The following PARP14 variants were observed in gnomAD, a reference collection of about 807,000 sequenced individuals.
PARP14 encodes protein mono-ADP-ribosyltransferase PARP14.
Under a neutral mutation model 154.2 loss-of-function variants are expected in PARP14, and 59 were observed. The ratio of observed to expected loss-of-function variants is 0.38; its 90% CI spans 0.31 to 0.48. The LOEUF is 0.48. Ranked by LOEUF, PARP14 falls within the 20% of genes least tolerant of loss-of-function variation. PARP14 has a pLI of 0.98. For missense variants in PARP14, 1,734 were observed against 2,131.6 expected (o/e 0.81, Z 3.67); for synonymous variants, 720 against 780.5 (o/e 0.92, Z 1.29).
Position 122,728,627 on chromosome 3 carries a change from C to T in PARP14, c.*30C>T. On this transcript the variant is annotated 3_prime_UTR_variant, in exon 17 of 17. Transcript: ENST00000474629. ...TTGGTATCCTTCCCACAAAATTATT[C>T]TCCATTTGTACATATCTAGTTGTAA... The T allele has an allele frequency of 6.4e-7, 1 of 1,563,522 alleles. No homozygotes were observed. The highest frequency in any genetic ancestry group is 8.8e-7 in the Non-Finnish European group (1 of 1,140,586).
Position 122,703,733 on chromosome 3 carries a change from G to T in PARP14, c.3082-9G>T, listed in dbSNP as rs565275439. 5 of 1,548,628 alleles carry T rather than the reference G, an allele frequency of 3.2e-6. No homozygotes were observed. The Admixed American group carries it at 6.1e-5, about 19-fold the overall frequency. ...AAATTTGAAACAAATTTTTGGTTTT[G>T]TCTTTAAGACCGATGTTGTTGTCAA... On this transcript the variant is annotated splice_polypyrimidine_tract_variant and intron_variant, in intron 6 of 16. Coordinates refer to ENST00000474629, the MANE Select transcript of PARP14 (RefSeq NM_017554.3).
intron 3 of PARP14, 48 bp downstream of exon 3, chr3:122,687,161 A>G (rs967397793): frequency 1.4e-6 from 2 of 1,416,782 alleles, no homozygotes; most frequent in Admixed American, 1.9e-5. Flanking sequence ...GCTGTTTTGC[A>G]TTTATTAAAG....
intron 3 of PARP14, among the ~76,000 whole-genome samples, chr3:122,690,493 C>T (rs192595551): frequency 6.6e-6 from 1 of 152,242 alleles, no homozygotes; most frequent in Non-Finnish European, 1.5e-5. Context: ...AAATCAGTAA[C>T]CTAACACAAC....
intron 12 of PARP14, among the ~76,000 whole-genome samples, chr3:122,715,690 CTT>C (rs1932981658): frequency 6.6e-6 from 1 of 151,826 alleles, no homozygotes; most frequent in South Asian, 2.1e-4. Context: ...TCTCTACTGA[CTT>C]ATCTTTTATG....
intron 12 of PARP14, among the ~76,000 whole-genome samples, chr3:122,714,877 A>C (rs1330159910): frequency 6.6e-6 from 1 of 152,182 alleles, no homozygotes; most frequent in East Asian, 1.9e-4. Context: ...CCAGAGGAAT[A>C]TTACCAGGCT....
chr3:122,690,293 T>A (rs2107638191), intron 3 of PARP14, among the ~76,000 whole-genome samples: 1 of 152,340 alleles, frequency 6.6e-6, no homozygotes, highest in East Asian at 1.9e-4. Flanking sequence ...GCAGCAGGGA[T>A]TAAACACATA....
At chr3:122,683,273 C>T in intron 1 of PARP14, 7 of 983,848 alleles carry the variant, frequency 7.1e-6, no homozygotes, top group Non-Finnish European at 7.2e-6. Context: ...AGGACACTCT[C>T]CACCCTCCAT....
chr3:122,718,147 A>G lies in PARP14; in HGVS notation c.4077A>G (p.Ser1359=). 6.2e-7 allele frequency: 1 copy of G among 1,613,850 alleles called. No homozygotes were observed. The highest frequency in any genetic ancestry group is 1.1e-5 in the South Asian group (1 of 91,072). Residue 1359 remains serine (S), a synonymous_variant, in exon 13 of 17, where the codon TCA becomes TCG. Transcript: ENST00000474629. ...DAIEDFVQKG[S]AQSVKKVKVV... ...TTGAAGACTTTGTCCAGAAAGGATC[A>G]GCCCAGTCTGTGAAAAAAGTTAAAG...
chr3:122,711,517 G>A (rs928038639), intron 9 of PARP14, among the ~76,000 whole-genome samples: 5 of 152,070 alleles, frequency 3.3e-5, no homozygotes, highest in African/African-American at 1.2e-4. Context: ...TTTTGCATCT[G>A]TGTTCATCAG....
chr3:122,727,823 C>T lies in PARP14; in HGVS notation c.4953C>T (p.Ile1651=). 1.2e-6 allele frequency: 2 copies of T among 1,603,262 alleles called. No individual in the cohort carries two copies. Among genetic ancestry groups the T allele is most frequent in the Non-Finnish European group, 1.7e-6 (2 of 1,174,466 alleles). ...SHFRIEKIER[I]QNPDLWNSYQ... ...TTATTAATTTGCAGATTGAGAGGAT[C>T]CAGAATCCAGATCTCTGGAATAGCT... Residue 1651 remains isoleucine (I), a synonymous_variant, in exon 16 of 17, where the codon ATC becomes ATT. Coordinates refer to ENST00000474629, the MANE Select transcript of PARP14 (RefSeq NM_017554.3).
chr3:122,699,587 A>C lies in PARP14; in HGVS notation c.1033A>C (p.Asn345His). Residue 345 changes from asparagine (N) to histidine (H), a missense_variant, in exon 6 of 17, where the codon AAC (asparagine) becomes CAC (histidine). Coordinates refer to ENST00000474629, the MANE Select transcript of PARP14 (RefSeq NM_017554.3). ...AAAGAATCACCTCATTGAGGAGATA[A>C]ACGATGAAATGAGGCGTTGTCACTG... ...QKKNHLIEEI[N>H]DEMRRCHCEL... 6.2e-7 allele frequency: 1 copy of C among 1,613,944 alleles called. No individual in the cohort carries two copies. The highest frequency in any genetic ancestry group is 8.5e-7 in the Non-Finnish European group (1 of 1,179,804).
At chr3:122,690,164 A>G (rs562560427) in intron 3 of PARP14, among the ~76,000 whole-genome samples, 72 of 152,250 alleles carry the variant, frequency 4.7e-4, no homozygotes, top group African/African-American at 1.7e-3. Context: ...TGAAGCGTCT[A>G]ATATTGATGG....
At position 122,701,000 on chromosome 3, in the gene PARP14, G is replaced by A. The variant is rs1295807556; in HGVS notation, c.2446G>A (p.Val816Ile). ...VQQGDLARLP[V>I]DVVVNASNED... ...GCAGGGTGACTTGGCACGGCTTCCT[G>A]TCGATGTGGTGGTGAATGCATCTAA... The change falls in exon 6 of 17, where the codon GTC becomes ATC. Residue 816 changes from valine to isoleucine, a missense_variant. By Grantham distance (29) the Val-to-Ile change is conservative. This residue lies in a region of PARP14 where 1,646 missense variants were observed against 1,976.0 expected (regional missense o/e 0.83). Coordinates refer to ENST00000474629, the MANE Select transcript of PARP14 (RefSeq NM_017554.3). 1 of 1,614,038 alleles carries A rather than the reference G, an allele frequency of 6.2e-7. No homozygotes were observed. Among genetic ancestry groups the A allele is most frequent in the Non-Finnish European group, 8.5e-7 (1 of 1,179,884 alleles).
At position 122,681,675 on chromosome 3, in the gene PARP14, C is replaced by T. The variant is rs1041468791; in HGVS notation, c.187+605C>T. Among the ~76,000 whole-genome samples, 2 of 152,284 alleles carry T rather than the reference C, an allele frequency of 1.3e-5. No homozygotes were observed. The highest frequency in any genetic ancestry group is 2.4e-5 in the African/African-American group (1 of 41,552). On this transcript the variant is annotated intron_variant, in intron 1 of 16. Coordinates refer to ENST00000474629, the MANE Select transcript of PARP14 (RefSeq NM_017554.3). The surrounding 1 kb of genome is among the most constrained non-coding windows in gnomAD (Gnocchi z 5.5). Reference sequence around the variant, plus strand: ...TCGAGGGCCTGCCGGGGCCTCTTCTCCGAGTCTCTAGTGGCCCTCAGATTG... The same window carrying T: ...TCGAGGGCCTGCCGGGGCCTCTTCTTCGAGTCTCTAGTGGCCCTCAGATTG...
chr3:122,703,011 C>CA lies in PARP14; in HGVS notation c.3082-719dup, dbSNP rs1185336732. On this transcript the variant is annotated intron_variant, in intron 6 of 16. Coordinates refer to ENST00000474629, the MANE Select transcript of PARP14 (RefSeq NM_017554.3). ...TCTCTCTTAAAAAAAAAAAAAAAAA[C>CA]AAAAAAAAAAAACAAAAAACAAAAA... Among the ~76,000 whole-genome samples, 179 of 67,310 alleles carry CA rather than the reference C, an allele frequency of 2.7e-3. 2 individuals carry two copies. Among genetic ancestry groups the CA allele is most frequent in the Middle Eastern group, 7.9e-3 (1 of 126 alleles). 44.2% of individuals were successfully genotyped at this position (67,310 alleles called of 152,430 possible). A position where few individuals can be genotyped will look rare whatever the true frequency, so the allele number is the denominator to read the frequency against.
chr3:122,711,995 T>C (rs1939331897), intron 9 of PARP14, among the ~76,000 whole-genome samples: 2 of 152,188 alleles, frequency 1.3e-5, no homozygotes, highest in Non-Finnish European at 2.9e-5. Flanking sequence ...TTAATCTCAC[T>C]AATGGTCTAT....
At chr3:122,706,891 A>G (rs1275020646) in intron 8 of PARP14, among the ~76,000 whole-genome samples, 1 of 152,070 alleles carries the variant, frequency 6.6e-6, no homozygotes, top group Non-Finnish European at 1.5e-5. Flanking sequence ...TCCAAAAATC[A>G]TGACTCCTCA....
chr3:122,696,656 C>T (rs1938787937), intron 5 of PARP14, among the ~76,000 whole-genome samples: 2 of 152,152 alleles, frequency 1.3e-5, no homozygotes, highest in African/African-American at 4.8e-5. Context: ...TTGATATTTT[C>T]AGGGCTTTCA....
chr3:122,694,533 CTTATTA>C (rs990795878), intron 4 of PARP14, among the ~76,000 whole-genome samples: 5 of 152,178 alleles, frequency 3.3e-5, no homozygotes, highest in Admixed American at 2.0e-4. Flanking sequence ...ACCATCAATA[CTTATTA>C]TTATTATTAT....
Sources: allele counts gnomAD v4.1 joint callset (sites outside exome capture counted in the v4.1 genomes callset), GRCh38; gene constraint gnomAD v4.1.1; regional missense constraint gnomAD v4.1.1; non-coding constraint Gnocchi (gnomAD v3.1); transcripts MANE v1.5; gene names NCBI Gene and HGNC (gene_info 2026-07-23, HGNC 2026-07-21).